The following ZNF709 variants were observed in gnomAD, a reference collection of about 807,000 sequenced individuals.
ZNF709 encodes zinc finger protein 709.
Under a neutral mutation model 10.6 loss-of-function variants are expected in ZNF709, and 15 were observed. The observed-to-expected ratio is 1.41, with a 90% CI of 0.95 to 2.18. ZNF709 has a LOEUF of 2.18. Among genes scored for constraint, ZNF709 ranks in the 30% most tolerant of loss-of-function variants. ZNF709 has a pLI of 0.00. For missense variants in ZNF709, 589 were observed against 774.0 expected, an observed-to-expected ratio of 0.76 and a Z score of 2.84; for synonymous variants, 194 against 238.8, an observed-to-expected ratio of 0.81 and a Z score of 1.73.
At position 12,466,679 on chromosome 19, in the gene ZNF709, A is replaced by G. The variant is rs148689400; in HGVS notation, c.130+45T>C. 2.3e-4 allele frequency: 365 copies of G among 1,613,488 alleles called. No homozygotes were observed. In the African/African-American group the frequency reaches 4.4e-3, roughly 19 times the overall value. On this transcript the variant is annotated intron_variant, in intron 2 of 3. Transcript: ENST00000397732. ...GGAACCTTGCTGATGAGCAAGAAAC[A>G]CTTGTTCTCTAATTGACTAAGTGAG...
intron 1 of ZNF709, among the ~76,000 whole-genome samples, chr19:12,470,290 G>A (rs1970623933): frequency 6.6e-6 from 1 of 152,124 alleles, no homozygotes; most frequent in African/African-American, 2.4e-5. Flanking sequence ...CAGCAATCCT[G>A]ATACTAGAAT....
chr19:12,479,094 G>A (rs566491518), intron 1 of ZNF709, among the ~76,000 whole-genome samples: 4 of 152,228 alleles, frequency 2.6e-5, no homozygotes, highest in African/African-American at 7.2e-5. Flanking sequence ...CCTGAGCCCA[G>A]GAGTTCAAGA....
In ZNF709 at chr19:12,461,234, C is replaced by A. The variant is rs1599629694; in HGVS notation, c.*2762G>T. On this transcript the variant is annotated 3_prime_UTR_variant, in exon 4 of 4. Transcript: ENST00000397732. ...ATATCCTTGCAGAAAATTAAATAGA[C>A]AAGTGATAGCATACAAGTTATTTGA... is the stretch of plus-strand genomic sequence containing the variant. 1 of 152,168 alleles carries A rather than the reference C, an allele frequency of 6.6e-6. No individual in the cohort carries two copies. The highest frequency in any genetic ancestry group is 2.4e-5 in the African/African-American group (1 of 41,436). 9.4% of individuals were successfully genotyped at this position (152,168 alleles called of 1,614,324 possible). A position where few individuals can be genotyped will look rare whatever the true frequency, so the allele number is the denominator to read the frequency against.
Position 12,466,467 on chromosome 19 carries a change from C to A in ZNF709, c.183G>T (p.Lys61Asn), listed in dbSNP as rs746179893. 1.9e-6 allele frequency: 3 copies of A among 1,613,946 alleles called. No homozygotes were observed. In the Admixed American group the frequency reaches 5.0e-5, roughly 27 times the overall value. ...NIEDHKNQGRKLRSHMVERLC... is the reference protein window; with the variant it reads ...NIEDHKNQGRNLRSHMVERLC... Reference sequence around the variant, plus strand: ...CTTTTGTAAGTACAACTCACCTTAGCTTTCTCCCCTGATTTTTGTGATCTT... The same window carrying A: ...CTTTTGTAAGTACAACTCACCTTAGATTTCTCCCCTGATTTTTGTGATCTT... The change falls in exon 3 of 4, where the codon AAG (lysine) becomes AAT (asparagine). Residue 61 changes from lysine (K) to asparagine (N), a missense_variant. Lys to Asn is a moderately conservative substitution (Grantham distance 94). Around this residue, in one of 2 missense-constraint regions of ZNF709, gnomAD observed 418 missense variants for 496.3 expected, o/e 0.84. Transcript: ENST00000397732.
chr19:12,467,018 C>T (rs532471706), intron 1 of ZNF709, among the ~76,000 whole-genome samples, 168 bp from the exon 2 acceptor site: 4 of 152,230 alleles, frequency 2.6e-5, no homozygotes, highest in East Asian at 3.8e-4. Context: ...TTAACACCAC[C>T]ATGAATACTT....
intron 1 of ZNF709, among the ~76,000 whole-genome samples, chr19:12,473,758 T>A (rs917659465): frequency 2.0e-5 from 3 of 152,304 alleles, no homozygotes. Flanking sequence ...TTAGAAATTT[T>A]AAGACTAGGC....
rs779272474 is a variant in ZNF709, at chr19:12,463,831, G to A, written c.*165C>T. Reference sequence around the variant, plus strand: ...TGTCCCAGCTACTCAGGAAGCTGAGGCAGGAGAATCGCTTGAACCCAGGAG... The same window carrying A: ...TGTCCCAGCTACTCAGGAAGCTGAGACAGGAGAATCGCTTGAACCCAGGAG... On this transcript the variant is annotated 3_prime_UTR_variant, in exon 4 of 4. Coordinates refer to ENST00000397732, the MANE Select transcript of ZNF709 (RefSeq NM_152601.4). 6.2e-6 allele frequency: 3 copies of A among 485,408 alleles called. No individual in the cohort carries two copies. The highest frequency in any genetic ancestry group is 1.0e-5 in the Non-Finnish European group (3 of 294,494). 30.1% of individuals were successfully genotyped at this position (485,408 alleles called of 1,614,324 possible).
intron 1 of ZNF709, among the ~76,000 whole-genome samples, chr19:12,472,839 C>T (rs554869459): frequency 1.7e-3 from 251 of 150,382 alleles, no homozygotes; most frequent in African/African-American, 5.8e-3. Flanking sequence ...GCCACGATCG[C>T]GCCACTGCAC....
intron 1 of ZNF709, among the ~76,000 whole-genome samples, chr19:12,470,809 C>T (rs1970628376): frequency 6.6e-6 from 1 of 151,926 alleles, no homozygotes; most frequent in South Asian, 2.1e-4. Context: ...AGCCTGTAGT[C>T]CCAGCTACTC....
At position 12,465,264 on chromosome 19, in the gene ZNF709, C is replaced by G; in HGVS notation, c.658G>C (p.Gly220Arg). ...TFRGHMRMHT[G>R]EKPYKCKECG... ...TCTTTACATTTATAGGGTTTCTCCC[C>G]TGTGTGCATTCTCATGTGTCCTCGA... Residue 220 changes from glycine to arginine, a missense_variant, in exon 4 of 4, where the codon GGG becomes CGG. Physicochemically the swap from Gly to Arg is moderately radical, Grantham distance 125 (BLOSUM62 -2). Around this residue, in one of 2 missense-constraint regions of ZNF709, gnomAD observed 418 missense variants for 496.3 expected, o/e 0.84. Coordinates refer to ENST00000397732, the MANE Select transcript of ZNF709 (RefSeq NM_152601.4). The G allele has an allele frequency of 6.2e-7, 1 of 1,613,120 alleles. No individual in the cohort carries two copies. The highest frequency in any genetic ancestry group is 2.2e-5 in the East Asian group (1 of 44,838).
At position 12,461,949 on chromosome 19, in the gene ZNF709, A is replaced by AT. The variant is rs1393030051; in HGVS notation, c.*2046dup. The stretch of plus-strand genomic sequence containing the variant: ...TAGCTGGGCTTGGTGGTGGGCACCT[A>AT]TAATCCCAGCTACTTGGGAGGCTGG... On this transcript the variant is annotated 3_prime_UTR_variant, in exon 4 of 4. Transcript: ENST00000397732. 3.9e-5 allele frequency: 6 copies of AT among 152,168 alleles called. No homozygotes were observed. The highest frequency in any genetic ancestry group is 1.4e-4 in the African/African-American group (6 of 41,392). The allele number at this position is 152,168 out of a possible 1,614,324, so 9.4% of individuals were successfully genotyped here. A position where few individuals can be genotyped will look rare whatever the true frequency, so the allele number is the denominator to read the frequency against.
Position 12,464,207 on chromosome 19 carries a change from GAAC to G in ZNF709, c.1712_1714del (p.Cys571del), listed in dbSNP as rs1555693524. The G allele has an allele frequency of 1.9e-6, 3 of 1,585,166 alleles. No individual in the cohort carries two copies. Among genetic ancestry groups the G allele is most frequent in the Non-Finnish European group, 2.6e-6 (3 of 1,168,018 alleles). ...CCTTTCATGCATTCGAACAGAACTA[GAAC>G]AACTGAAGGCCTTACCACATTGTTT... On this transcript the variant is annotated inframe_deletion, in exon 4 of 4. Coordinates refer to ENST00000397732, the MANE Select transcript of ZNF709 (RefSeq NM_152601.4).
chr19:12,479,023 C>T (rs1970699326), intron 1 of ZNF709, among the ~76,000 whole-genome samples: 2 of 152,112 alleles, frequency 1.3e-5, no homozygotes, highest in African/African-American at 4.8e-5. Context: ...TATTAAAAGG[C>T]CAGGCACAGT....
intron 1 of ZNF709, among the ~76,000 whole-genome samples, chr19:12,467,431 G>T (rs953528272): frequency 6.6e-6 from 1 of 152,206 alleles, no homozygotes; most frequent in African/African-American, 2.4e-5. Context: ...ACGGAGTCTC[G>T]TTCACTCAGT....
chr19:12,467,674 G>A (rs1970588061), intron 1 of ZNF709, among the ~76,000 whole-genome samples: 2 of 151,820 alleles, frequency 1.3e-5, no homozygotes, highest in African/African-American at 4.8e-5. Context: ...CTTCCCGGCC[G>A]CCATCACATC....
chr19:12,473,146 ATT>A (rs1970648413), intron 1 of ZNF709, among the ~76,000 whole-genome samples: 1 of 152,210 alleles, frequency 6.6e-6, no homozygotes, highest in African/African-American at 2.4e-5. Context: ...CAGAGAAGTT[ATT>A]GTGTATTTGT....
chr19:12,484,684 T>A lies in ZNF709; in HGVS notation c.-27A>T. 1 of 1,613,868 alleles carries A rather than the reference T, an allele frequency of 6.2e-7. No homozygotes were observed. Among genetic ancestry groups the A allele is most frequent in the South Asian group, 1.1e-5 (1 of 91,080 alleles). On this transcript the variant is annotated 5_prime_UTR_variant, in exon 1 of 4. Coordinates refer to ENST00000397732, the MANE Select transcript of ZNF709 (RefSeq NM_152601.4). ...TCCCAGACTCTGGGATGTCCTGGTGTTCTGTTTACCTCTCCCGCGGCCAGC... is the reference window on the plus strand; with the variant it reads ...TCCCAGACTCTGGGATGTCCTGGTGATCTGTTTACCTCTCCCGCGGCCAGC...
rs1970533433 is a variant in ZNF709 at position 12,463,474 on chromosome 19, C to T, written c.*522G>A. 6.6e-6 allele frequency: 1 copy of T among 152,190 alleles called. No individual in the cohort carries two copies. The highest frequency in any genetic ancestry group is 1.5e-5 in the Non-Finnish European group (1 of 68,052). 9.4% of individuals were successfully genotyped at this position (152,190 alleles called of 1,614,324 possible). A position where few individuals can be genotyped will look rare whatever the true frequency, so the allele number is the denominator to read the frequency against. On this transcript the variant is annotated 3_prime_UTR_variant, in exon 4 of 4. Transcript: ENST00000397732. ...ACACTTCATATGCCTTCTCATGGTC[C>T]TTAAAAGGTCATATGACCATTGAAG...
At chr19:12,468,060 C>T (rs1191327139) in intron 1 of ZNF709, among the ~76,000 whole-genome samples, 5 of 151,078 alleles carry the variant, frequency 3.3e-5, no homozygotes, top group East Asian at 2.0e-4. Context: ...CCGTCCCGTC[C>T]GGGAGGGAGG....
Sources: gnomAD v4.1 joint callset for allele counts (sites outside exome capture counted in the v4.1 genomes callset) on GRCh38, gnomAD v4.1.1 for gene constraint, gnomAD v4.1.1 regional missense constraint, MANE v1.5 for transcripts, NCBI Gene and HGNC (gene_info 2026-07-23, HGNC 2026-07-21) for gene names.